The following VASP variants were observed in gnomAD, a reference collection of about 807,000 sequenced individuals.
VASP encodes the protein vasodilator stimulated phosphoprotein.
VASP carries 27 observed loss-of-function variants against 54.4 expected under a neutral mutation model. The ratio of observed to expected loss-of-function variants is 0.50; its 90% CI spans 0.37 to 0.68. The LOEUF (loss-of-function observed/expected upper bound fraction) is 0.68, where lower values mean the gene tolerates loss of function less well. VASP is among the 30% of genes least tolerant of loss of function. VASP has a pLI of 0.00. For synonymous variants in VASP, 233 were observed against 209.8 expected, an observed-to-expected ratio of 1.11 and a Z score of -0.96; for missense variants, 488 against 528.3, an observed-to-expected ratio of 0.92 and a Z score of 0.75.
rs1333064595 is a variant in VASP, at chr19:45,523,821, G to C, written c.874-20G>C. 1 of 1,614,060 alleles carries C rather than the reference G, an allele frequency of 6.2e-7. No individual in the cohort carries two copies. The highest frequency in any genetic ancestry group is 1.7e-5 in the Admixed American group (1 of 60,000). ...GAGGTGTGGCAGGGGCTGGCTCATG[G>C]CAGTTTTATTTCCTACCAGCAGGAG... On this transcript the variant is annotated intron_variant, in intron 8 of 12. Coordinates refer to ENST00000245932, the MANE Select transcript of VASP (RefSeq NM_003370.4).
chr19:45,523,953 A>T (rs886745001), intron 9 of VASP, 76 bp downstream of exon 9: 4 of 1,610,648 alleles, frequency 2.5e-6, no homozygotes, highest in Admixed American at 1.7e-5. Flanking sequence ...AAGCACCCTT[A>T]TAGGAGAGTC....
intron 1 of VASP, among the ~76,000 whole-genome samples, chr19:45,508,323 G>A (rs1968529890): frequency 6.6e-6 from 1 of 152,174 alleles, no homozygotes; most frequent in African/African-American, 2.4e-5. Context: ...TGGATTTTGG[G>A]GGTCACTTAG....
At chr19:45,515,220 G>T (rs951955702) in intron 1 of VASP, among the ~76,000 whole-genome samples, 1 of 152,036 alleles carries the variant, frequency 6.6e-6, no homozygotes, top group South Asian at 2.1e-4. Flanking sequence ...GAGGCTTTGC[G>T]GGGGGTGTCT....
At chr19:45,522,603 G>A in intron 6 of VASP, 22 bp downstream of exon 6, 1 of 1,493,388 alleles carries the variant, frequency 6.7e-7, no homozygotes, top group South Asian at 1.4e-5. Flanking sequence ...GGAGAGGTGG[G>A]CAGGGGGCAA....
At chr19:45,511,057 G>A (rs1002570864) in intron 1 of VASP, among the ~76,000 whole-genome samples, 2 of 151,682 alleles carry the variant, frequency 1.3e-5, no homozygotes, top group African/African-American at 4.8e-5. Flanking sequence ...AAATGAAACC[G>A]AAGCTGCAAC....
Position 45,513,468 on chromosome 19 carries a change from C to CTTTTTTTTTTTTTTTTTTTTTTTTTT in VASP, c.6-4174_6-4173insTTTTTTTTTTTTTTTTTTTTTTTTTT, listed in dbSNP as rs71173173. Among the ~76,000 whole-genome samples, 8 of 92,786 alleles carry CTTTTTTTTTTTTTTTTTTTTTTTTTT rather than the reference C, an allele frequency of 8.6e-5. 1 individual carries two copies. The highest frequency in any genetic ancestry group is 1.9e-4 in the African/African-American group (4 of 21,078). 60.9% of individuals were successfully genotyped at this position (92,786 alleles called of 152,430 possible). On this transcript the variant is annotated intron_variant, in intron 1 of 12. Transcript: ENST00000245932. The stretch of plus-strand genomic sequence containing the variant: ...CATCTTGCCCAAGCTAGTCTCTCTC[C>CTTTTTTTTTTTTTTTTTTTTTTTTTT]TTTTTTTTTTTTTTTTTTTTTGAGA...
intron 1 of VASP, among the ~76,000 whole-genome samples, chr19:45,516,890 C>G (rs922367118): frequency 7.0e-6 from 1 of 142,582 alleles, no homozygotes; most frequent in Non-Finnish European, 1.5e-5. Context: ...ATTCCAGCTA[C>G]TCAGGAGGCT....
rs144200814 is a variant in VASP, at chr19:45,522,605, A to G, written c.720+24A>G. 8,193 of 1,495,622 alleles carry G rather than the reference A, an allele frequency of 5.5e-3. 30 individuals are homozygous for G. The highest frequency in any genetic ancestry group is 0.013 in the South Asian group (946 of 74,310). 92.6% of individuals were successfully genotyped at this position (1,495,622 alleles called of 1,614,324 possible). A position where few individuals can be genotyped will look rare whatever the true frequency, so the allele number is the denominator to read the frequency against. On this transcript the variant is annotated intron_variant, in intron 6 of 12. Coordinates refer to ENST00000245932, the MANE Select transcript of VASP (RefSeq NM_003370.4). ...AGGTGAGGGGCCGGGAGAGGTGGGC[A>G]GGGGGCAACAGGGCTTTTATGGGGG...
chr19:45,523,952 T>C, intron 9 of VASP, 75 bp downstream of exon 9: 1 of 1,610,196 alleles, frequency 6.2e-7, no homozygotes. Context: ...TAAGCACCCT[T>C]ATAGGAGAGT....
chr19:45,514,473 G>A (rs73568931), intron 1 of VASP, among the ~76,000 whole-genome samples: 24,710 of 151,838 alleles, frequency 0.16, 2,232 homozygotes, highest in East Asian at 0.34. Context: ...CTCCCGCCTC[G>A]GCCTCTCAAA....
intron 1 of VASP, among the ~76,000 whole-genome samples, chr19:45,514,570 C>T (rs1168326786): frequency 6.6e-6 from 1 of 152,178 alleles, no homozygotes; most frequent in Non-Finnish European, 1.5e-5. Context: ...TATAGTGTTC[C>T]CTGGAGAGGG....
In VASP at chr19:45,523,660, G is replaced by A; in HGVS notation, c.838G>A (p.Val280Ile). The change falls in exon 8 of 13, where the codon GTT (valine) becomes ATT (isoleucine). Residue 280 changes from valine to isoleucine, a missense_variant. Val to Ile is a conservative substitution (Grantham distance 29). This residue lies in a region of VASP where 126 missense variants were observed against 134.8 expected (regional missense o/e 0.94). Transcript: ENST00000245932. ...CTCCTGCAGAAGGAAAGCCACGCAAGTTGGGGAGAAAACCCCCAAGGATGA... is the reference window on the plus strand; with the variant it reads ...CTCCTGCAGAAGGAAAGCCACGCAAATTGGGGAGAAAACCCCCAAGGATGA... ...MLARRRKATQ[V>I]GEKTPKDESA... The A allele has an allele frequency of 1.9e-6, 3 of 1,614,134 alleles. No homozygotes were observed. The highest frequency in any genetic ancestry group is 1.3e-5 in the African/African-American group (1 of 75,038).
intron 1 of VASP, among the ~76,000 whole-genome samples, chr19:45,513,797 C>T (rs971424711): frequency 7.2e-5 from 11 of 151,936 alleles, no homozygotes; most frequent in Non-Finnish European, 1.3e-4. Flanking sequence ...CTCTTGGGCT[C>T]AAGTGATCCT....
Position 45,526,077 on chromosome 19 carries a change from C to G in VASP, c.1106-63C>G. ...AGGCATCATGTCCCTGGGCAAGAGCCCTGTTTTGGAAGGGAGGAGGCAGAG... is the reference window on the plus strand; with the variant it reads ...AGGCATCATGTCCCTGGGCAAGAGCGCTGTTTTGGAAGGGAGGAGGCAGAG... On this transcript the variant is annotated intron_variant, in intron 12 of 12. Coordinates refer to ENST00000245932, the MANE Select transcript of VASP (RefSeq NM_003370.4). 1.9e-6 allele frequency: 3 copies of G among 1,613,436 alleles called. No individual in the cohort carries two copies. In the Admixed American group the frequency reaches 5.0e-5, roughly 27 times the overall value.
chr19:45,513,468 C>CTT lies in VASP; in HGVS notation c.6-4175_6-4174dup, dbSNP rs71173173. Among the ~76,000 whole-genome samples the CTT allele has an allele frequency of 2.2e-3, 202 of 92,784 alleles. 4 individuals are homozygous for CTT. The highest frequency in any genetic ancestry group is 6.8e-3 in the African/African-American group (144 of 21,080). The allele number at this position is 92,784 out of a possible 152,430, so 60.9% of individuals were successfully genotyped here. ...CATCTTGCCCAAGCTAGTCTCTCTC[C>CTT]TTTTTTTTTTTTTTTTTTTTTGAGA... On this transcript the variant is annotated intron_variant, in intron 1 of 12. Transcript: ENST00000245932.
At chr19:45,511,966 T>C (rs1282043981) in intron 1 of VASP, among the ~76,000 whole-genome samples, 3 of 152,106 alleles carry the variant, frequency 2.0e-5, no homozygotes, top group African/African-American at 7.2e-5. Flanking sequence ...TAGCCTGGCG[T>C]GGTGGCACAC....
intron 1 of VASP, among the ~76,000 whole-genome samples, chr19:45,509,496 C>G (rs1360368662): frequency 6.7e-6 from 1 of 148,280 alleles, no homozygotes; most frequent in Non-Finnish European, 1.5e-5. Flanking sequence ...GGAGCGGTGT[C>G]TGGGCCGGCC....
Position 45,517,841 on chromosome 19 carries a change from C to G in VASP, c.177+7C>G. 1 of 1,611,984 alleles carries G rather than the reference C, an allele frequency of 6.2e-7. No individual in the cohort carries two copies. Among genetic ancestry groups the G allele is most frequent in the Non-Finnish European group, 8.5e-7 (1 of 1,179,412 alleles). On this transcript the variant is annotated splice_region_variant and intron_variant, in intron 2 of 12. Coordinates refer to ENST00000245932, the MANE Select transcript of VASP (RefSeq NM_003370.4). ...GATGCAGCCCGACCAGCAGGTGCAGCTTCCCGCCGGCCCCCTCTGTGGGCT... is the reference window on the plus strand; with the variant it reads ...GATGCAGCCCGACCAGCAGGTGCAGGTTCCCGCCGGCCCCCTCTGTGGGCT...
chr19:45,523,769 G>A (rs1968896974), intron 8 of VASP, 72 bp from the exon 9 acceptor site: 3 of 1,614,018 alleles, frequency 1.9e-6, no homozygotes, highest in Middle Eastern at 1.6e-4. Flanking sequence ...GATGTGTGGG[G>A]TTTGAACCTG....
Sources: gnomAD v4.1 joint callset for allele counts (sites outside exome capture counted in the v4.1 genomes callset) on GRCh38, gnomAD v4.1.1 for gene constraint, gnomAD v4.1.1 regional missense constraint, MANE v1.5 for transcripts, NCBI Gene and HGNC (gene_info 2026-07-23, HGNC 2026-07-21) for gene names.